CLDN16: variants seen among roughly 807,000 people sequenced by gnomAD.
CLDN16 encodes claudin-16.
CLDN16 carries 13 observed loss-of-function variants against 24.6 expected under a neutral mutation model. That is an observed-to-expected ratio of 0.53 (90% CI 0.34 to 0.84). The LOEUF (loss-of-function observed/expected upper bound fraction) is 0.84. Ranked by LOEUF, CLDN16 falls within the 40% of genes least tolerant of loss-of-function variation. The probability of loss-of-function intolerance (pLI) is 0.01; values close to 1 mark genes in which losing one functional copy is unlikely to be tolerated. For synonymous variants in CLDN16, 116 were observed against 106.7 expected, an observed-to-expected ratio of 1.09 and a Z score of -0.54; for missense variants, 298 against 292.7, an observed-to-expected ratio of 1.02 and a Z score of -0.13.
intron 1 of CLDN16, among the ~76,000 whole-genome samples, chr3:190,328,934 C>A (rs1717126494): frequency 6.6e-6 from 1 of 152,180 alleles, no homozygotes; most frequent in Non-Finnish European, 1.5e-5. Flanking sequence ...GCTATTTCTA[C>A]TTTGTTCATT....
chr3:190,298,065 T>C, the CLDN16 span, among the ~76,000 whole-genome samples: 3 of 152,282 alleles, frequency 2.0e-5, no homozygotes, highest in Non-Finnish European at 4.4e-5. Context: ...GAGGAATTTA[T>C]TTGTTTTAAA....
At chr3:190,408,584 G>GA (rs1383158645) in intron 4 of CLDN16, 79 bp downstream of exon 4, 22 of 1,320,114 alleles carry the variant, frequency 1.7e-5, no homozygotes, top group Non-Finnish European at 1.9e-5. Context: ...ATTTCAAAAG[G>GA]AAAAAAATGT....
At chr3:190,322,258 A>T, upstream of CLDN16, 1 of 1,552,694 alleles carries the variant, frequency 6.4e-7, no homozygotes, top group Non-Finnish European at 8.8e-7. Context: ...CAGAAGGCGG[A>T]GAGTTTGCAG....
chr3:190,344,603 T>C (rs1420560237), intron 1 of CLDN16, among the ~76,000 whole-genome samples: 3 of 151,960 alleles, frequency 2.0e-5, no homozygotes, highest in African/African-American at 7.2e-5. Flanking sequence ...GTATGTATAC[T>C]TTTAGTCGAC....
At chr3:190,318,093 A>G (rs1188845714), upstream of CLDN16, among the ~76,000 whole-genome samples, 1 of 152,204 alleles carries the variant, frequency 6.6e-6, no homozygotes, top group Non-Finnish European at 1.5e-5. Context: ...AAGTTTCATA[A>G]AAGTCCTAAT....
In CLDN16 at chr3:190,364,866, C is replaced by T. The variant is rs547503010; in HGVS notation, n.122-6027C>T. ...GAGGTGATTATATCGGCACGCCCCA[C>T]GTCACAGAGCCCCTCAAAACTTCGC... is the stretch of plus-strand genomic sequence containing the variant. On this transcript the variant is annotated intron_variant and non_coding_transcript_variant, in intron 1 of 4. Coordinates refer to the CLDN16 transcript ENST00000468220. Among the ~76,000 whole-genome samples the T allele has an allele frequency of 1.1e-4, 17 of 151,596 alleles. No homozygotes were observed. In the South Asian group the frequency reaches 3.3e-3, roughly 30 times the overall value.
At chr3:190,361,585 A>G (rs1717888363) in intron 1 of CLDN16, among the ~76,000 whole-genome samples, 2 of 151,958 alleles carry the variant, frequency 1.3e-5, no homozygotes, top group Admixed American at 6.6e-5. Context: ...TGGCTGCAAA[A>G]GTCTGAATGC....
At chr3:190,352,623 G>A (rs1436107096) in intron 1 of CLDN16, among the ~76,000 whole-genome samples, 1 of 152,046 alleles carries the variant, frequency 6.6e-6, no homozygotes, top group African/African-American at 2.4e-5. Flanking sequence ...ACAGAAAACT[G>A]CTGTATTTGA....
intron 1 of CLDN16, among the ~76,000 whole-genome samples, chr3:190,393,197 A>G (rs1307132982): frequency 6.6e-6 from 1 of 152,192 alleles, no homozygotes; most frequent in East Asian, 1.9e-4. Context: ...TGGTGATGTT[A>G]CTCACCAAGA....
chr3:190,326,251 C>A (rs1056719521), intron 1 of CLDN16, among the ~76,000 whole-genome samples: 1 of 152,186 alleles, frequency 6.6e-6, no homozygotes, highest in African/African-American at 2.4e-5. Flanking sequence ...TCAAGCAGAT[C>A]AGATACGTTC....
chr3:190,357,578 G>A (rs2113892), intron 1 of CLDN16, among the ~76,000 whole-genome samples: 138,229 of 151,882 alleles, frequency 0.91, 62,935 homozygotes, highest in East Asian at 1. Flanking sequence ...CTAAAGTCCA[G>A]TTCCTCAGTA....
rs1379479661 is a variant in CLDN16 at position 190,367,957 on chromosome 3, C to A, written n.122-2936C>A. Reference sequence around the variant, plus strand: ...TTCCCATAATCTTTCCTCCCTTTATCCTTTCCAGAAATCTCTGTAATCTGA... The same window carrying A: ...TTCCCATAATCTTTCCTCCCTTTATACTTTCCAGAAATCTCTGTAATCTGA... On this transcript the variant is annotated intron_variant and non_coding_transcript_variant, in intron 1 of 4. Transcript: ENST00000468220. 5.3e-5 allele frequency among the ~76,000 whole-genome samples: 8 copies of A among 152,024 alleles called. No individual in the cohort carries two copies. In the East Asian group the frequency reaches 1.6e-3, roughly 30 times the overall value.
In CLDN16 at chr3:190,409,927, C is replaced by T; in HGVS notation, c.599C>T (p.Pro200Leu). The T allele has an allele frequency of 6.2e-7, 1 of 1,613,922 alleles. No individual in the cohort carries two copies. Among genetic ancestry groups the T allele is most frequent in the Non-Finnish European group, 8.5e-7 (1 of 1,179,928 alleles). Reference protein sequence around the residue: ...FKDVGPERNYPYSLRKAYSAA... With the variant: ...FKDVGPERNYLYSLRKAYSAA... ...GATGTTGGACCTGAGAGAAACTATC[C>T]TTATTCCTTGAGGAAAGCCTATTCA... The change falls in exon 5 of 5, where the codon CCT (proline) becomes CTT (leucine). Residue 200 changes from proline (P) to leucine (L), a missense_variant. Pro to Leu is a moderately conservative substitution (Grantham distance 98, BLOSUM62 -3). Coordinates refer to ENST00000264734, the MANE Select transcript of CLDN16 (RefSeq NM_006580.4).
rs1719291191 is a variant in CLDN16 at position 190,411,749 on chromosome 3, A to G, written c.*1713A>G. ...TGAAGCAGTTCCAATCTAGTTGGAG[A>G]ATTAACAGCAATTGATTTAACTATC... On this transcript the variant is annotated 3_prime_UTR_variant, in exon 5 of 5. Transcript: ENST00000264734. The G allele has an allele frequency of 6.6e-6, 1 of 152,162 alleles. No homozygotes were observed. The highest frequency in any genetic ancestry group is 1.5e-5 in the Non-Finnish European group (1 of 68,008). The allele number at this position is 152,162 out of a possible 1,614,324, so 9.4% of individuals were successfully genotyped here.
chr3:190,308,464 G>T, the CLDN16 span: 5 of 1,611,168 alleles, frequency 3.1e-6, no homozygotes, highest in Non-Finnish European at 4.2e-6. Flanking sequence ...CCATGTGCTT[G>T]TTAATCAGTG....
chr3:190,402,555 TTGTAATGGTTAG>T (rs1718991471), intron 2 of CLDN16, 116 bp downstream of exon 2: 1 of 777,296 alleles, frequency 1.3e-6, no homozygotes, highest in Admixed American at 1.9e-5. Context: ...TCGGTCCAGT[TTGTAATGGTTAG>T]AAATTGAGCT....
At chr3:190,392,351 CT>C (rs944753866) in intron 1 of CLDN16, among the ~76,000 whole-genome samples, 5 of 150,808 alleles carry the variant, frequency 3.3e-5, no homozygotes, top group African/African-American at 1.2e-4. Flanking sequence ...CTTTTTCTTT[CT>C]TTCTCTTTCT....
the CLDN16 span, among the ~76,000 whole-genome samples, chr3:190,316,765 T>G: frequency 6.6e-6 from 1 of 152,196 alleles, no homozygotes; most frequent in African/African-American, 2.4e-5. Context: ...GAACATGTCT[T>G]TATCCTTTAA....
chr3:190,302,767 G>T, the CLDN16 span, among the ~76,000 whole-genome samples: 1 of 26,812 alleles, frequency 3.7e-5, no homozygotes, highest in African/African-American at 1.3e-4. Flanking sequence ...GTGAAACCCT[G>T]TCTCAAAAAA....
Sources: gnomAD v4.1 joint callset for allele counts (sites outside exome capture counted in the v4.1 genomes callset) on GRCh38, gnomAD v4.1.1 for gene constraint, MANE v1.5 for transcripts, NCBI Gene and HGNC (gene_info 2026-07-23, HGNC 2026-07-21) for gene names.